Variants in DHRSX observed in about 807,000 individuals in gnomAD.
DHRSX encodes the protein dehydrogenase/reductase X-linked, also known as polyprenol dehydrogenase.
A neutral mutation model predicts 34.0 loss-of-function variants in DHRSX; 31 were observed. The ratio of observed to expected loss-of-function variants is 0.91; its 90% confidence interval spans 0.69 to 1.23. DHRSX has a LOEUF of 1.23. DHRSX is among the 50% of genes most tolerant of loss of function. The pLI is 0.00. For synonymous variants in DHRSX, 201 were observed against 183.8 expected (o/e 1.09, Z -0.76); for missense variants, 414 against 428.1 (o/e 0.97, Z 0.29).
At chrX:2,405,266 A>T (rs944424228) in intron 3 of DHRSX, among the ~76,000 whole-genome samples, 8 of 151,912 alleles carry the variant, frequency 5.3e-5, no homozygotes, top group African/African-American at 1.5e-4. Flanking sequence ...AGGCGGGTGG[A>T]TCATGAGGTC....
intron 1 of DHRSX, among the ~76,000 whole-genome samples, chrX:2,438,672 T>TA (rs11449377): frequency 0.29 from 40,573 of 141,312 alleles, 6,210 homozygotes; most frequent in African/African-American, 0.41. Flanking sequence ...CATCTCAAAA[T>TA]AAAAAAAAAA....
intron 1 of DHRSX, among the ~76,000 whole-genome samples, chrX:2,494,127 T>C (rs1326600816): frequency 6.6e-6 from 1 of 151,490 alleles, no homozygotes; most frequent in Non-Finnish European, 1.5e-5. Context: ...ATCCATATTC[T>C]ATTATTATTA....
chrX:2,327,775 G>A (rs2042404504), intron 3 of DHRSX, among the ~76,000 whole-genome samples: 1 of 152,056 alleles, frequency 6.6e-6, no homozygotes, highest in South Asian at 2.1e-4. Context: ...AGAAGACTGG[G>A]ATGCTTATAA....
In DHRSX at chrX:2,235,516, C is replaced by T. The variant is rs1226853069; in HGVS notation, c.804+7507G>A. 3.4e-5 allele frequency among the ~76,000 whole-genome samples: 5 copies of T among 146,756 alleles called. No homozygotes were observed. The South Asian group carries it at 6.6e-4, about 19-fold the overall frequency. Reference sequence around the variant, plus strand: ...TCCCAGCACTCTGGGAGGCCGAGGCCGGCGGATCACAAGGTCAAGAGATCA... The same window carrying T: ...TCCCAGCACTCTGGGAGGCCGAGGCTGGCGGATCACAAGGTCAAGAGATCA... On this transcript the variant is annotated intron_variant, in intron 6 of 6. Transcript: ENST00000334651.
chrX:2,378,811 C>G (rs1279771611), intron 3 of DHRSX, among the ~76,000 whole-genome samples: 1 of 151,992 alleles, frequency 6.6e-6, no homozygotes, highest in Non-Finnish European at 1.5e-5. Flanking sequence ...GCTGGGATTG[C>G]AGGTGCGCAC....
intron 3 of DHRSX, among the ~76,000 whole-genome samples, chrX:2,362,725 TGCC>T (rs2042948093): frequency 6.6e-6 from 1 of 152,086 alleles, no homozygotes; most frequent in Non-Finnish European, 1.5e-5. Flanking sequence ...CTTGAGATCA[TGCC>T]GCCATTTTAT....
At chrX:2,392,514 T>C (rs2043346663) in intron 3 of DHRSX, 1 of 239,282 alleles carries the variant, frequency 4.2e-6, no homozygotes, top group Admixed American at 5.0e-5. Context: ...TATAATTTTA[T>C]GTATATATTA....
intron 6 of DHRSX, 147 bp downstream of exon 6, chrX:2,242,876 A>C: frequency 1.4e-6 from 1 of 733,836 alleles, no homozygotes; most frequent in Non-Finnish European, 2.3e-6. Context: ...CCTTCTCAAT[A>C]ACTTGCTTCT....
chrX:2,363,688 G>T (rs868498739), intron 3 of DHRSX, among the ~76,000 whole-genome samples: 3 of 150,548 alleles, frequency 2.0e-5, no homozygotes, highest in Non-Finnish European at 2.9e-5. Context: ...TTTTATCACC[G>T]TTCTATGGTA....
intron 1 of DHRSX, among the ~76,000 whole-genome samples, chrX:2,484,764 G>T (rs1248780693): frequency 6.6e-6 from 1 of 152,084 alleles, no homozygotes; most frequent in Non-Finnish European, 1.5e-5. Context: ...CAGTAGAACT[G>T]CTGCCCAAGC....
chrX:2,426,404 T>G (rs918725458), intron 1 of DHRSX, among the ~76,000 whole-genome samples: 3 of 148,962 alleles, frequency 2.0e-5, no homozygotes, highest in Admixed American at 6.7e-5. Context: ...CCTTCTCTTT[T>G]TCCTTTCTTC....
At chrX:2,303,066 T>A (rs1343541040) in intron 3 of DHRSX, among the ~76,000 whole-genome samples, 2 of 152,118 alleles carry the variant, frequency 1.3e-5, no homozygotes, top group African/African-American at 4.8e-5. Flanking sequence ...TGCTAATAAT[T>A]GGAACCAGTG....
rs1222042458 is a variant in DHRSX at position 2,220,109 on chromosome X, G to A, written c.*932C>T. The A allele has an allele frequency of 6.6e-6, 1 of 152,194 alleles. No individual in the cohort carries two copies. Among genetic ancestry groups the A allele is most frequent in the Non-Finnish European group, 1.5e-5 (1 of 68,058 alleles). 9.4% of individuals were successfully genotyped at this position (152,194 alleles called of 1,614,324 possible). A position where few individuals can be genotyped will look rare whatever the true frequency, so the allele number is the denominator to read the frequency against. ...TCAAGACGTCAGAGGGGCCAAGATT[G>A]CTCTGAGGGGTATAAGGGAGAATCC... On this transcript the variant is annotated 3_prime_UTR_variant, in exon 7 of 7. Coordinates refer to ENST00000334651, the MANE Select transcript of DHRSX (RefSeq NM_145177.3).
At chrX:2,485,579 G>A (rs1271476343) in intron 1 of DHRSX, among the ~76,000 whole-genome samples, 1 of 135,478 alleles carries the variant, frequency 7.4e-6, no homozygotes, top group African/African-American at 2.8e-5. Context: ...AGGAAAGGAA[G>A]GAAGGAGGAA....
intron 1 of DHRSX, among the ~76,000 whole-genome samples, chrX:2,459,246 C>G (rs1419732878): frequency 6.6e-6 from 1 of 152,012 alleles, no homozygotes; most frequent in Non-Finnish European, 1.5e-5. Context: ...TACATTGCAT[C>G]TTTCAAAATG....
intron 3 of DHRSX, among the ~76,000 whole-genome samples, chrX:2,395,886 C>A (rs1343073426): frequency 5.3e-5 from 8 of 152,124 alleles, no homozygotes; most frequent in Non-Finnish European, 1.0e-4. Flanking sequence ...CTATTCCTGC[C>A]CGATCTATGT....
chrX:2,251,599 T>C (rs1024790066), intron 5 of DHRSX, among the ~76,000 whole-genome samples: 4 of 152,184 alleles, frequency 2.6e-5, no homozygotes, highest in African/African-American at 9.7e-5. Flanking sequence ...TAAATGACCC[T>C]GTCCCCTTTG....
chrX:2,350,224 G>A (rs189377359), intron 3 of DHRSX, among the ~76,000 whole-genome samples: 5 of 151,330 alleles, frequency 3.3e-5, no homozygotes, highest in Admixed American at 6.6e-5. Context: ...GGTGGCGGGT[G>A]CCTGTAGTCT....
At chrX:2,429,585 C>A (rs1314855013) in intron 1 of DHRSX, among the ~76,000 whole-genome samples, 1 of 151,494 alleles carries the variant, frequency 6.6e-6, no homozygotes, top group Non-Finnish European at 1.5e-5. Flanking sequence ...GTAGCTGGGA[C>A]TACAGGTGTG....
Sources: gnomAD v4.1 joint callset for allele counts (sites outside exome capture counted in the v4.1 genomes callset) on GRCh38, gnomAD v4.1.1 for gene constraint, MANE v1.5 for transcripts, NCBI Gene and HGNC (gene_info 2026-07-23, HGNC 2026-07-21) for gene names.